KSR2: variants seen among roughly 807,000 people sequenced by gnomAD.
KSR2 encodes the protein kinase suppressor of ras 2.
In KSR2, 25 loss-of-function variants were observed where a neutral mutation model predicts 107.8. The ratio of observed to expected loss-of-function variants is 0.23; its 90% CI spans 0.17 to 0.32. The LOEUF (loss-of-function observed/expected upper bound fraction) is 0.32. KSR2 is among the 10% of genes least tolerant of loss of function. The probability of loss-of-function intolerance (pLI) is 1.00; values close to 1 mark genes in which losing one functional copy is unlikely to be tolerated. For synonymous variants in KSR2, 480 were observed against 507.0 expected, an observed-to-expected ratio of 0.95 and a Z score of 0.71; for missense variants, 887 against 1,268.9, an observed-to-expected ratio of 0.70 and a Z score of 4.57.
intron 1 of KSR2, among the ~76,000 whole-genome samples, chr12:117,956,249 C>CAAAA (rs59662300): frequency 1.1e-4 from 5 of 47,512 alleles, no homozygotes; most frequent in Admixed American, 2.9e-4. Flanking sequence ...GACTCTGTCT[C>CAAAA]AAAAAAAAAA....
chr12:117,725,471 T>G (rs1393600419), intron 4 of KSR2, among the ~76,000 whole-genome samples: 1 of 152,240 alleles, frequency 6.6e-6, no homozygotes, highest in Non-Finnish European at 1.5e-5. Context: ...CTGGAACATC[T>G]GGATATTCTT....
At position 117,896,808 on chromosome 12, in the gene KSR2, A is replaced by G. The variant is rs144510383; in HGVS notation, c.181-36377T>C. ...AAAAACCACTGAACACTTTAAGAGGATAAATGTTATGGTGTATGAGTTATA... is the reference window on the plus strand; with the variant it reads ...AAAAACCACTGAACACTTTAAGAGGGTAAATGTTATGGTGTATGAGTTATA... On this transcript the variant is annotated intron_variant, in intron 1 of 19. Coordinates refer to ENST00000339824, the MANE Select transcript of KSR2 (RefSeq NM_173598.6). Among the ~76,000 whole-genome samples the G allele has an allele frequency of 1.5e-4, 23 of 152,298 alleles. 1 individual carries two copies. Among genetic ancestry groups the G allele is most frequent in the African/African-American group, 5.5e-4 (23 of 41,562 alleles).
intron 5 of KSR2, among the ~76,000 whole-genome samples, chr12:117,608,479 T>G (rs1197505208): frequency 6.6e-6 from 1 of 152,186 alleles, no homozygotes; most frequent in Non-Finnish European, 1.5e-5. Context: ...TGCTCCAGAA[T>G]GCAGGGCTTT....
chr12:117,894,071 G>A (rs10850927), intron 1 of KSR2, among the ~76,000 whole-genome samples: 54,597 of 151,910 alleles, frequency 0.36, 11,553 homozygotes, highest in East Asian at 0.87. Context: ...CACTACACCC[G>A]GCTAATTTTT....
At chr12:117,473,794 A>G (rs1378563702) in intron 17 of KSR2, among the ~76,000 whole-genome samples, 1 of 152,184 alleles carries the variant, frequency 6.6e-6, no homozygotes, top group Non-Finnish European at 1.5e-5. Flanking sequence ...CTATGGTTAA[A>G]AGCTCCAACT....
intron 9 of KSR2, among the ~76,000 whole-genome samples, chr12:117,540,736 C>T (rs781562484): frequency 1.1e-4 from 17 of 152,132 alleles, no homozygotes; most frequent in African/African-American, 3.6e-4. Flanking sequence ...CAAGGACTGC[C>T]GGAGCCACCA....
intron 1 of KSR2, among the ~76,000 whole-genome samples, chr12:117,885,460 A>C (rs1593339231): frequency 6.6e-6 from 1 of 152,108 alleles, no homozygotes; most frequent in African/African-American, 2.4e-5. Context: ...CTAGCTGAGA[A>C]CCCAGGCTCC....
chr12:117,586,629 A>AAAGAAAGAAAGAAAGAAAGAAAGAAAG (rs1880013883), intron 5 of KSR2, among the ~76,000 whole-genome samples: 1 of 138,314 alleles, frequency 7.2e-6, no homozygotes, highest in Non-Finnish European at 1.5e-5. Flanking sequence ...AAAAGAAAGA[A>AAAGAAAGAAAGAAAGAAAGAAAGAAAG]AAAGAAAGAA....
intron 5 of KSR2, among the ~76,000 whole-genome samples, chr12:117,665,088 G>C (rs975843125): frequency 5.9e-5 from 9 of 152,280 alleles, no homozygotes; most frequent in South Asian, 2.1e-4. Context: ...CTTCCACTGA[G>C]ACTCAAATGC....
chr12:117,687,542 G>A (rs921930497), intron 4 of KSR2, among the ~76,000 whole-genome samples: 1 of 152,138 alleles, frequency 6.6e-6, no homozygotes, highest in African/African-American at 2.4e-5. Flanking sequence ...CACTTAACGT[G>A]TTCATCTATG....
chr12:117,570,898 T>A (rs996325980), intron 7 of KSR2, among the ~76,000 whole-genome samples: 2 of 152,040 alleles, frequency 1.3e-5, no homozygotes, highest in East Asian at 3.9e-4. Flanking sequence ...ATAAGTTGAG[T>A]TTTGTAGAAG....
At chr12:117,955,034 T>C (rs193064342) in intron 1 of KSR2, among the ~76,000 whole-genome samples, 1 of 150,070 alleles carries the variant, frequency 6.7e-6, no homozygotes, top group African/African-American at 2.5e-5. Flanking sequence ...AAAAAAAAAA[T>C]TTGCCATGTA....
intron 1 of KSR2, among the ~76,000 whole-genome samples, chr12:117,894,431 A>C (rs1307046351): frequency 1.3e-5 from 2 of 152,178 alleles, no homozygotes; most frequent in African/African-American, 4.8e-5. Flanking sequence ...TTGGGAGGCC[A>C]TGGTGGCAGG....
At chr12:117,534,908 A>T (rs773759747) in intron 10 of KSR2, among the ~76,000 whole-genome samples, 3 of 152,144 alleles carry the variant, frequency 2.0e-5, no homozygotes, top group Non-Finnish European at 4.4e-5. Flanking sequence ...AAGGAGATGG[A>T]TTCTCCCTGA....
At position 117,968,266 on chromosome 12, in the gene KSR2, G is replaced by C; in HGVS notation, c.-11C>G. 1 of 1,158,496 alleles carries C rather than the reference G, an allele frequency of 8.6e-7. No homozygotes were observed. 71.8% of individuals were successfully genotyped at this position (1,158,496 alleles called of 1,614,324 possible). A position where few individuals can be genotyped will look rare whatever the true frequency, so the allele number is the denominator to read the frequency against. On this transcript the variant is annotated 5_prime_UTR_variant, in exon 1 of 20. Transcript: ENST00000339824. ...GTTTTCCTCATCCATCGCTTGCTCT[G>C]CAACCCCCTTCCCCTCCTCCTCCTC...
intron 1 of KSR2, among the ~76,000 whole-genome samples, chr12:117,954,431 G>A (rs531838875): frequency 7.2e-5 from 11 of 152,350 alleles, no homozygotes; most frequent in South Asian, 4.1e-4. Flanking sequence ...GAGGTGCATC[G>A]TCTGTGGGCA....
At chr12:117,783,605 C>T (rs1172344373) in intron 3 of KSR2, among the ~76,000 whole-genome samples, 1 of 152,186 alleles carries the variant, frequency 6.6e-6, no homozygotes, top group African/African-American at 2.4e-5. Context: ...CCTGAGGATT[C>T]CTACAAGTCA....
chr12:117,607,368 C>T (rs778093023), intron 5 of KSR2, among the ~76,000 whole-genome samples: 15 of 152,114 alleles, frequency 9.9e-5, no homozygotes, highest in Non-Finnish European at 1.6e-4. Flanking sequence ...ATAGCTATTC[C>T]GCATTTTGCA....
At chr12:117,529,806 C>A (rs1329277498) in intron 12 of KSR2, among the ~76,000 whole-genome samples, 1 of 151,372 alleles carries the variant, frequency 6.6e-6, no homozygotes, top group African/African-American at 2.4e-5. Context: ...AGTTTGAGAC[C>A]CACCTAGGCA....
Sources: allele counts gnomAD v4.1 joint callset (sites outside exome capture counted in the v4.1 genomes callset), GRCh38; gene constraint gnomAD v4.1.1; transcripts MANE v1.5; gene names NCBI Gene and HGNC (gene_info 2026-07-23, HGNC 2026-07-21).